ROBO2: variants seen among roughly 807,000 people sequenced by gnomAD.
ROBO2 encodes roundabout homolog 2.
In ROBO2, 53 loss-of-function variants were observed where a neutral mutation model predicts 160.8. The observed-to-expected ratio is 0.33, with a 90% CI of 0.26 to 0.41. The LOEUF is 0.41. ROBO2 is among the 10% of genes least tolerant of loss of function. ROBO2 has a pLI of 1.00. For missense variants in ROBO2, 1,577 were observed against 1,722.4 expected (o/e 0.92, Z 1.49); for synonymous variants, 664 against 611.7 (o/e 1.09, Z -1.26).
At chr3:76,555,057 A>G (rs1449037069) in intron 2 of ROBO2, among the ~76,000 whole-genome samples, 1 of 152,102 alleles carries the variant, frequency 6.6e-6, no homozygotes, top group Non-Finnish European at 1.5e-5. Flanking sequence ...TGTTTTATAG[A>G]AAGTCTTTAC....
chr3:76,702,164 C>T (rs2093059194), intron 2 of ROBO2, among the ~76,000 whole-genome samples: 1 of 151,738 alleles, frequency 6.6e-6, no homozygotes, highest in African/African-American at 2.4e-5. Context: ...TATCCCTTTC[C>T]ATTACCAAAT....
chr3:76,506,852 A>C (rs2080825223), intron 2 of ROBO2, among the ~76,000 whole-genome samples: 1 of 152,176 alleles, frequency 6.6e-6, no homozygotes, highest in African/African-American at 2.4e-5. Context: ...AATCAAAATA[A>C]AACTGAATGT....
intron 2 of ROBO2, among the ~76,000 whole-genome samples, chr3:76,118,576 A>G (rs1165337942): frequency 3.3e-5 from 5 of 152,174 alleles, no homozygotes; most frequent in Non-Finnish European, 5.9e-5. Context: ...GGATTGTGGC[A>G]GAACCTCCGT....
intron 2 of ROBO2, among the ~76,000 whole-genome samples, chr3:76,237,321 T>A (rs567956759): frequency 2.6e-5 from 4 of 152,322 alleles, no homozygotes; most frequent in African/African-American, 9.6e-5. Context: ...CTATAATCAT[T>A]AATGGTTTTG....
intron 2 of ROBO2, among the ~76,000 whole-genome samples, chr3:77,197,723 G>A (rs893145085): frequency 3.9e-4 from 59 of 152,188 alleles, no homozygotes; most frequent in African/African-American, 1.2e-3. Context: ...CCCAGAAACC[G>A]TGAACTGTTA....
intron 2 of ROBO2, among the ~76,000 whole-genome samples, chr3:76,007,568 A>G (rs949995843): frequency 4.6e-5 from 7 of 152,198 alleles, no homozygotes; most frequent in Non-Finnish European, 8.8e-5. Flanking sequence ...TCTGGAGATT[A>G]AATAGCCGGA....
At chr3:77,313,859 C>T (rs1157455954) in intron 2 of ROBO2, among the ~76,000 whole-genome samples, 1 of 152,178 alleles carries the variant, frequency 6.6e-6, no homozygotes, top group Non-Finnish European at 1.5e-5. Flanking sequence ...GCTGGGATTA[C>T]AGGTGTGAGC....
intron 2 of ROBO2, among the ~76,000 whole-genome samples, chr3:77,263,725 T>C (rs532886270): frequency 3.3e-5 from 5 of 152,354 alleles, no homozygotes; most frequent in Admixed American, 6.5e-5. Flanking sequence ...AGTGAATGTG[T>C]CTTTATAATA....
At chr3:76,839,978 T>C (rs1340850306) in intron 2 of ROBO2, among the ~76,000 whole-genome samples, 1 of 152,220 alleles carries the variant, frequency 6.6e-6, no homozygotes, top group Non-Finnish European at 1.5e-5. Flanking sequence ...GTACCTCTAC[T>C]AATCCTTTAA....
intron 2 of ROBO2, among the ~76,000 whole-genome samples, chr3:77,332,354 T>C (rs1431455916): frequency 6.6e-6 from 1 of 152,176 alleles, no homozygotes. Context: ...GGGCTGGTGT[T>C]CGTGTGTCTT....
At chr3:77,086,161 C>G (rs1003556508) in intron 1 of ROBO2, among the ~76,000 whole-genome samples, 3 of 151,930 alleles carry the variant, frequency 2.0e-5, no homozygotes, top group Admixed American at 2.0e-4. Context: ...TCTTATAGAT[C>G]GTGGTTCATT....
chr3:77,091,305 C>T (rs2070217558), intron 1 of ROBO2, among the ~76,000 whole-genome samples: 1 of 152,148 alleles, frequency 6.6e-6, no homozygotes. Flanking sequence ...TTCTCTGGCA[C>T]TCACTGCGAA....
chr3:76,394,718 A>G (rs1273353393), intron 2 of ROBO2, among the ~76,000 whole-genome samples: 1 of 152,140 alleles, frequency 6.6e-6, no homozygotes, highest in Non-Finnish European at 1.5e-5. Flanking sequence ...ACCAACGATC[A>G]AAAGAGACAA....
At chr3:76,529,707 G>A (rs112341233) in intron 2 of ROBO2, among the ~76,000 whole-genome samples, 207 of 152,158 alleles carry the variant, frequency 1.4e-3, no homozygotes, top group African/African-American at 4.8e-3. Flanking sequence ...ACTTGATCTT[G>A]ATAATTTAAG....
intron 2 of ROBO2, among the ~76,000 whole-genome samples, chr3:77,021,137 G>A (rs540403658): frequency 6.6e-6 from 1 of 152,218 alleles, no homozygotes; most frequent in South Asian, 2.1e-4. Context: ...GGAGGTCGAG[G>A]TTGCAGTGAG....
At chr3:76,115,297 G>T (rs550464548) in intron 2 of ROBO2, among the ~76,000 whole-genome samples, 1 of 152,036 alleles carries the variant, frequency 6.6e-6, no homozygotes, top group African/African-American at 2.4e-5. Flanking sequence ...AATGAATGTG[G>T]CAACAGCAGA....
chr3:76,733,977 T>C (rs2093672838), intron 2 of ROBO2, among the ~76,000 whole-genome samples: 2 of 152,138 alleles, frequency 1.3e-5, no homozygotes, highest in Non-Finnish European at 2.9e-5. Context: ...GCATCTATCG[T>C]TATATTTTCA....
At chr3:76,367,849 CTT>C (rs2075903660) in intron 2 of ROBO2, among the ~76,000 whole-genome samples, 2 of 151,828 alleles carry the variant, frequency 1.3e-5, no homozygotes, top group African/African-American at 4.8e-5. Flanking sequence ...TTCCACAAGT[CTT>C]TTTGAAGTAT....
chr3:77,171,414 T>A (rs1005708424), intron 2 of ROBO2, among the ~76,000 whole-genome samples: 8 of 152,196 alleles, frequency 5.3e-5, no homozygotes, highest in Admixed American at 3.9e-4. Flanking sequence ...TAACAAGAAT[T>A]GTTGGCATTC....
Sources: gnomAD v4.1 joint callset for allele counts (sites outside exome capture counted in the v4.1 genomes callset) on GRCh38, gnomAD v4.1.1 for gene constraint, MANE v1.5 for transcripts, NCBI Gene and HGNC (gene_info 2026-07-23, HGNC 2026-07-21) for gene names.